Variants in RABGEF1 observed in about 807,000 individuals in gnomAD.
RABGEF1 encodes the protein RAB guanine nucleotide exchange factor 1.
In RABGEF1, 26 loss-of-function variants were observed where a neutral mutation model predicts 57.3. The ratio of observed to expected loss-of-function variants is 0.45; its 90% CI spans 0.33 to 0.63. The LOEUF (loss-of-function observed/expected upper bound fraction) is 0.63, where lower values mean the gene tolerates loss of function less well. Among genes scored for constraint, RABGEF1 ranks in the 20% least tolerant of loss-of-function variants. The pLI is 0.02. For synonymous variants in RABGEF1, 185 were observed against 210.7 expected, an observed-to-expected ratio of 0.88 and a Z score of 1.06; for missense variants, 464 against 607.6, an observed-to-expected ratio of 0.76 and a Z score of 2.48.
intron 1 of RABGEF1, among the ~76,000 whole-genome samples, chr7:66,762,964 A>G (rs1195681517): frequency 1.3e-5 from 2 of 152,186 alleles, no homozygotes; most frequent in Non-Finnish European, 2.9e-5. Flanking sequence ...CAAAGGGGTA[A>G]GTGGGAAGGA....
At chr7:66,677,280 A>G (rs1789340386), upstream of RABGEF1, among the ~76,000 whole-genome samples, 1 of 152,180 alleles carries the variant, frequency 6.6e-6, no homozygotes, top group South Asian at 2.1e-4. Context: ...AAAAATCTAC[A>G]GTTAACATCA....
At chr7:66,753,864 G>A (rs1360983404) in intron 1 of RABGEF1, among the ~76,000 whole-genome samples, 2 of 151,618 alleles carry the variant, frequency 1.3e-5, no homozygotes, top group African/African-American at 4.8e-5. Flanking sequence ...GCGCCATCAT[G>A]CCTGGCTAAT....
At chr7:66,776,229 C>G (rs1353137085) in intron 3 of RABGEF1, among the ~76,000 whole-genome samples, 3 of 152,168 alleles carry the variant, frequency 2.0e-5, no homozygotes, top group African/African-American at 4.8e-5. Flanking sequence ...CCAGTTCCTA[C>G]CCTGGGGTAA....
intron 1 of RABGEF1, among the ~76,000 whole-genome samples, chr7:66,710,079 G>T (rs1278528728): frequency 1.3e-5 from 2 of 152,196 alleles, no homozygotes; most frequent in African/African-American, 4.8e-5. Context: ...GCAGCCACGT[G>T]ACTGGTACCT....
chr7:66,771,215 T>C (rs1807040312), intron 1 of RABGEF1, among the ~76,000 whole-genome samples: 1 of 152,204 alleles, frequency 6.6e-6, no homozygotes, highest in South Asian at 2.1e-4. Context: ...CTTGGCTCAC[T>C]GCAGGCTCTG....
chr7:66,735,756 G>T (rs902796259), upstream of RABGEF1, among the ~76,000 whole-genome samples: 7 of 152,136 alleles, frequency 4.6e-5, no homozygotes, highest in African/African-American at 1.7e-4. Flanking sequence ...TGCCATGATT[G>T]TAAGTTTCCA....
At chr7:66,685,503 A>G (rs1022338331) in intron 1 of RABGEF1, among the ~76,000 whole-genome samples, 2 of 152,180 alleles carry the variant, frequency 1.3e-5, no homozygotes, top group Non-Finnish European at 2.9e-5. Flanking sequence ...AAAAAAAAGA[A>G]AAGATTCTTG....
chr7:66,678,810 T>C (rs1789490725), upstream of RABGEF1, among the ~76,000 whole-genome samples: 1 of 152,184 alleles, frequency 6.6e-6, no homozygotes, highest in Non-Finnish European at 1.5e-5. Flanking sequence ...AGGAAATTCA[T>C]AAACACACCT....
chr7:66,664,749 C>T, the RABGEF1 span, among the ~76,000 whole-genome samples: 117 of 152,320 alleles, frequency 7.7e-4, no homozygotes, highest in African/African-American at 2.3e-3. Context: ...TGGGTGTCTC[C>T]GGTGCGCCGG....
In RABGEF1 at chr7:66,746,099, T is replaced by TA. The variant is rs755795206; in HGVS notation, c.-18+5308dup. Among the ~76,000 whole-genome samples, 4 of 152,368 alleles carry TA rather than the reference T, an allele frequency of 2.6e-5. No homozygotes were observed. The East Asian group carries it at 7.7e-4, about 29-fold the overall frequency. On this transcript the variant is annotated intron_variant, in intron 1 of 8. Transcript: ENST00000284957. ...GAGTTTAAATGATCTGGACTATTGT[T>TA]ACAATATGTAAACATGTGAAATAAC...
chr7:66,753,476 G>C (rs1801913490), intron 1 of RABGEF1, among the ~76,000 whole-genome samples: 1 of 152,112 alleles, frequency 6.6e-6, no homozygotes, highest in East Asian at 1.9e-4. Flanking sequence ...GATATTACGG[G>C]TTTGGTTCTG....
upstream of RABGEF1, among the ~76,000 whole-genome samples, chr7:66,680,684 C>T (rs1233832611): frequency 5.9e-5 from 9 of 152,156 alleles, no homozygotes; most frequent in Middle Eastern, 3.4e-3. Flanking sequence ...CGGTGGCTCA[C>T]GCCTGTAATC....
intron 2 of RABGEF1, chr7:66,712,354 T>C (rs1310082234): frequency 2.6e-5 from 4 of 152,392 alleles, no homozygotes; most frequent in Non-Finnish European, 5.9e-5. Flanking sequence ...GTTTTATAAA[T>C]AGCAGTTTTA....
At chr7:66,771,026 GAT>G (rs1355639739) in intron 1 of RABGEF1, among the ~76,000 whole-genome samples, 3 of 152,082 alleles carry the variant, frequency 2.0e-5, no homozygotes, top group Admixed American at 2.0e-4. Flanking sequence ...TCGTATTTTA[GAT>G]ATTAACCCCT....
At chr7:66,755,859 G>T (rs2129070985) in intron 1 of RABGEF1, 7 of 487,974 alleles carry the variant, frequency 1.4e-5, no homozygotes, top group South Asian at 9.4e-5. Flanking sequence ...ACTCTACATT[G>T]TATTCCAGGG....
At chr7:66,787,143 C>G (rs1811356962) in intron 4 of RABGEF1, among the ~76,000 whole-genome samples, 1 of 151,804 alleles carries the variant, frequency 6.6e-6, no homozygotes, top group South Asian at 2.1e-4. Flanking sequence ...CGTCCTCCCT[C>G]AGCCTCTCGA....
At chr7:66,798,253 C>G (rs571838999) in intron 6 of RABGEF1, among the ~76,000 whole-genome samples, 1 of 152,298 alleles carries the variant, frequency 6.6e-6, no homozygotes, top group East Asian at 1.9e-4. Flanking sequence ...TCCAGGCTCA[C>G]TGGGGTGAGC....
At chr7:66,663,535 G>A in the RABGEF1 span, among the ~76,000 whole-genome samples, 8 of 143,008 alleles carry the variant, frequency 5.6e-5, no homozygotes, top group Middle Eastern at 4.2e-3. Flanking sequence ...CTGAGATCAC[G>A]CCACTGCACT....
At chr7:66,791,060 G>A (rs1348557944) in intron 4 of RABGEF1, among the ~76,000 whole-genome samples, 2 of 152,202 alleles carry the variant, frequency 1.3e-5, no homozygotes, top group Non-Finnish European at 2.9e-5. Flanking sequence ...TAAAGGGAAA[G>A]CAAGGGTTGA....
Sources: gnomAD v4.1 joint callset for allele counts (sites outside exome capture counted in the v4.1 genomes callset) on GRCh38, gnomAD v4.1.1 for gene constraint, MANE v1.5 for transcripts, NCBI Gene and HGNC (gene_info 2026-07-23, HGNC 2026-07-21) for gene names.